EYS: variants seen among roughly 807,000 people sequenced by gnomAD.
EYS encodes protein eyes shut homolog.
Under a neutral mutation model 282.1 loss-of-function variants are expected in EYS, and 250 were observed. The ratio of observed to expected loss-of-function variants is 0.89; its 90% CI spans 0.80 to 0.98. EYS has a LOEUF of 0.98. EYS is among the 50% of genes least tolerant of loss of function. EYS has a pLI of 0.00. For synonymous variants in EYS, 1,355 were observed against 1,282.9 expected, an observed-to-expected ratio of 1.06 and a Z score of -1.20; for missense variants, 4,016 against 3,709.0, an observed-to-expected ratio of 1.08 and a Z score of -2.15.
intron 30 of EYS, among the ~76,000 whole-genome samples, chr6:64,272,365 G>A (rs1767971583): frequency 6.6e-6 from 1 of 152,188 alleles, no homozygotes; most frequent in Non-Finnish European, 1.5e-5. Flanking sequence ...TTTCTTCATA[G>A]TGTTGATGGT....
At chr6:64,807,560 A>T (rs1412450266) in intron 22 of EYS, among the ~76,000 whole-genome samples, 1 of 152,134 alleles carries the variant, frequency 6.6e-6, no homozygotes, top group African/African-American at 2.4e-5. Context: ...GACTTTGAAA[A>T]TCTTATCTAT....
At chr6:64,406,659 G>C (rs1359202567) in intron 28 of EYS, among the ~76,000 whole-genome samples, 1 of 152,114 alleles carries the variant, frequency 6.6e-6, no homozygotes, top group Non-Finnish European at 1.5e-5. Flanking sequence ...GATATGAACA[G>C]ACACTTCTCA....
At chr6:65,158,623 T>C (rs1201177414) in intron 12 of EYS, among the ~76,000 whole-genome samples, 1 of 150,856 alleles carries the variant, frequency 6.6e-6, no homozygotes, top group Middle Eastern at 3.2e-3. Flanking sequence ...TTAGTTCAAA[T>C]ATGCTTTATT....
chr6:64,692,669 T>G (rs1770430579), intron 22 of EYS, among the ~76,000 whole-genome samples: 1 of 152,116 alleles, frequency 6.6e-6, no homozygotes, highest in Non-Finnish European at 1.5e-5. Flanking sequence ...TTTTTGAATA[T>G]GCTGAATGGT....
intron 5 of EYS, among the ~76,000 whole-genome samples, chr6:65,457,603 C>A (rs1764673065): frequency 6.6e-6 from 1 of 152,084 alleles, no homozygotes; most frequent in South Asian, 2.1e-4. Context: ...AGAAATAATT[C>A]TTTCTTGTTC....
intron 31 of EYS, among the ~76,000 whole-genome samples, chr6:64,185,915 T>TA (rs1764924192): frequency 6.6e-6 from 1 of 152,142 alleles, no homozygotes; most frequent in Non-Finnish European, 1.5e-5. Flanking sequence ...ATGTAAAAGT[T>TA]AAAAAATTGA....
chr6:65,640,039 T>A (rs532649196), intron 1 of EYS, 147 bp from the exon 2 acceptor site: 5 of 152,332 alleles, frequency 3.3e-5, no homozygotes, highest in South Asian at 4.1e-4. Flanking sequence ...ACATTTATTG[T>A]CTGTGTAATT....
intron 1 of EYS, among the ~76,000 whole-genome samples, chr6:65,695,346 C>G (rs112754766): frequency 1.3e-5 from 2 of 151,906 alleles, no homozygotes; most frequent in African/African-American, 4.8e-5. Context: ...TAATATTTCC[C>G]GAAACTCTCA....
chr6:65,071,331 A>G (rs1277336315), intron 12 of EYS, among the ~76,000 whole-genome samples: 2 of 151,916 alleles, frequency 1.3e-5, no homozygotes, highest in Non-Finnish European at 2.9e-5. Context: ...CCTATTTGAT[A>G]TCAGAAAATT....
chr6:63,765,495 A>T (rs28540706), intron 40 of EYS, among the ~76,000 whole-genome samples: 125 of 150,706 alleles, frequency 8.3e-4, no homozygotes, highest in African/African-American at 2.2e-3. Flanking sequence ...TTTTTTTTTT[A>T]AAACTATTTA....
At chr6:65,179,856 C>G (rs1460759962) in intron 12 of EYS, among the ~76,000 whole-genome samples, 8 of 152,098 alleles carry the variant, frequency 5.3e-5, no homozygotes, top group African/African-American at 1.9e-4. Context: ...AGCTTATCCA[C>G]CATGATCAAG....
chr6:64,899,821 T>C (rs1388553389), intron 18 of EYS, among the ~76,000 whole-genome samples: 2 of 152,120 alleles, frequency 1.3e-5, no homozygotes, highest in African/African-American at 2.4e-5. Flanking sequence ...ATTTACAGAT[T>C]CAGTGCTATT....
chr6:64,245,043 G>T (rs758115761), intron 30 of EYS, among the ~76,000 whole-genome samples: 2 of 140,316 alleles, frequency 1.4e-5, no homozygotes, highest in Non-Finnish European at 3.0e-5. Context: ...TGTTCTCATT[G>T]TTCAGTTCCT....
rs114534662 is a variant in EYS at position 65,356,702 on chromosome 6, T to C, written c.1300-3085A>G. 6.4e-3 allele frequency among the ~76,000 whole-genome samples: 980 copies of C among 152,166 alleles called. 18 individuals carry two copies. Among genetic ancestry groups the C allele is most frequent in the African/African-American group, 0.022 (914 of 41,568 alleles). On this transcript the variant is annotated intron_variant, in intron 8 of 42. Coordinates refer to ENST00000503581, the MANE Select transcript of EYS (RefSeq NM_001142800.2). Reference sequence around the variant, plus strand: ...TGGATTTAGAGGGAGTTATTTGTGATTGCAGCTCTTAATACCTTTTTAAAA... The same window carrying C: ...TGGATTTAGAGGGAGTTATTTGTGACTGCAGCTCTTAATACCTTTTTAAAA...
chr6:63,725,227 T>C (rs1437865326), intron 42 of EYS, among the ~76,000 whole-genome samples: 3 of 152,146 alleles, frequency 2.0e-5, no homozygotes, highest in Admixed American at 2.0e-4. Flanking sequence ...AAACTCTTGA[T>C]TGTCTTGAAC....
chr6:63,764,130 A>G (rs1014621601), intron 40 of EYS, among the ~76,000 whole-genome samples: 6 of 151,970 alleles, frequency 3.9e-5, no homozygotes, highest in Non-Finnish European at 7.4e-5. Flanking sequence ...CCACCGTGCC[A>G]GTCTAAAAAG....
At chr6:64,704,335 C>T (rs137999943) in intron 22 of EYS, among the ~76,000 whole-genome samples, 4,512 of 142,162 alleles carry the variant, frequency 0.032, 131 homozygotes, top group Middle Eastern at 0.054. Flanking sequence ...AATATATATA[C>T]ATATATAAAA....
rs943970054 is a variant in EYS at position 64,018,837 on chromosome 6, C to G, written c.6726-19654G>C. ...TTGCCCAGGCTGGAGTGCAATGGCA[C>G]AGTCTCAGCTCACTGCAACCTCTGC... is the stretch of plus-strand genomic sequence containing the variant. On this transcript the variant is annotated intron_variant, in intron 33 of 42. Coordinates refer to ENST00000503581, the MANE Select transcript of EYS (RefSeq NM_001142800.2). Among the ~76,000 whole-genome samples, 3 of 135,626 alleles carry G rather than the reference C, an allele frequency of 2.2e-5. No homozygotes were observed. In the East Asian group the frequency reaches 7.1e-4, roughly 32 times the overall value. The allele number at this position is 135,626 out of a possible 152,430, so 89.0% of individuals were successfully genotyped here.
At chr6:65,548,739 T>G (rs1376711709) in intron 2 of EYS, among the ~76,000 whole-genome samples, 1 of 152,230 alleles carries the variant, frequency 6.6e-6, no homozygotes, top group African/African-American at 2.4e-5. Context: ...CTATAAGATT[T>G]GCTGAGTATT....
Sources: allele counts gnomAD v4.1 joint callset (sites outside exome capture counted in the v4.1 genomes callset), GRCh38; gene constraint gnomAD v4.1.1; transcripts MANE v1.5; gene names NCBI Gene and HGNC (gene_info 2026-07-23, HGNC 2026-07-21).